GARNL3: variants seen among roughly 807,000 people sequenced by gnomAD.
GARNL3 encodes GTPase activating Rap/RanGAP domain like 3.
In GARNL3, 63 loss-of-function variants were observed where a neutral mutation model predicts 125.0. The ratio of observed to expected loss-of-function variants is 0.50; its 90% CI spans 0.41 to 0.62. The LOEUF is 0.62. GARNL3 is among the 20% of genes least tolerant of loss of function. The pLI is 0.00. For synonymous variants in GARNL3, 439 were observed against 457.5 expected (o/e 0.96, Z 0.52); for missense variants, 994 against 1,244.0 (o/e 0.80, Z 3.02).
intron 1 of GARNL3, among the ~76,000 whole-genome samples, chr9:127,277,331 A>T (rs998093152): frequency 4.0e-5 from 6 of 150,830 alleles, no homozygotes; most frequent in Non-Finnish European, 7.4e-5. Context: ...TCTTTCCTTG[A>T]GCTTCTGGCA....
intron 1 of GARNL3, among the ~76,000 whole-genome samples, chr9:127,273,532 T>A (rs2063875100): frequency 6.6e-6 from 1 of 152,230 alleles, no homozygotes. Flanking sequence ...AATTCCTAGA[T>A]CAAGCCCAAC....
chr9:127,382,774 C>T (rs1038330705), intron 22 of GARNL3, among the ~76,000 whole-genome samples: 3 of 152,116 alleles, frequency 2.0e-5, no homozygotes, highest in Non-Finnish European at 4.4e-5. Context: ...TTGAATGAAC[C>T]TTGTGTTAAT....
At chr9:127,360,508 G>C (rs994059888) in intron 21 of GARNL3, among the ~76,000 whole-genome samples, 1 of 152,144 alleles carries the variant, frequency 6.6e-6, no homozygotes, top group Admixed American at 6.5e-5. Context: ...GGTACTGTCT[G>C]TCTGGGGAGA....
At chr9:127,386,988 A>G (rs992918540) in intron 24 of GARNL3, 38 of 441,924 alleles carry the variant, frequency 8.6e-5, no homozygotes, top group South Asian at 1.5e-4. Context: ...AGTGGCGGGG[A>G]GTGGAATACT....
intron 2 of GARNL3, chr9:127,243,303 T>G (rs1164816211): frequency 7.7e-7 from 1 of 1,304,224 alleles, no homozygotes; most frequent in African/African-American, 1.5e-5. Flanking sequence ...CACTATAGCT[T>G]GAAATCCCTT....
At chr9:127,378,583 G>A (rs1477864565) in intron 22 of GARNL3, among the ~76,000 whole-genome samples, 13 of 36,302 alleles carry the variant, frequency 3.6e-4, no homozygotes, top group South Asian at 3.9e-3. Flanking sequence ...GTGAAACTCC[G>A]TCACAAAAAA....
upstream of GARNL3, chr9:127,263,920 C>T (rs2131260492): frequency 6.7e-7 from 1 of 1,487,072 alleles, no homozygotes; most frequent in Middle Eastern, 1.7e-4. Context: ...TGCTAAACAT[C>T]AGAGTCAGTC....
At chr9:127,282,328 T>G (rs577447187) in intron 1 of GARNL3, among the ~76,000 whole-genome samples, 7 of 152,366 alleles carry the variant, frequency 4.6e-5, no homozygotes, top group Non-Finnish European at 7.3e-5. Context: ...CACTATCATA[T>G]TACTACAATA....
intron 2 of GARNL3, among the ~76,000 whole-genome samples, chr9:127,305,279 A>C (rs1167431430): frequency 6.6e-6 from 1 of 152,216 alleles, no homozygotes; most frequent in Non-Finnish European, 1.5e-5. Context: ...CACTAGTACT[A>C]CACATCATCG....
intron 1 of GARNL3, among the ~76,000 whole-genome samples, chr9:127,233,685 C>G (rs2063060842): frequency 6.6e-6 from 1 of 152,108 alleles, no homozygotes; most frequent in Non-Finnish European, 1.5e-5. Flanking sequence ...TTCTACTTTC[C>G]CAAATATTGC....
At chr9:127,236,848 G>A (rs1244321462) in intron 1 of GARNL3, among the ~76,000 whole-genome samples, 1 of 152,126 alleles carries the variant, frequency 6.6e-6, no homozygotes, top group African/African-American at 2.4e-5. Flanking sequence ...GTAAAAATAT[G>A]CAGTCTCTTT....
chr9:127,335,736 C>T (rs1588880947), intron 10 of GARNL3, among the ~76,000 whole-genome samples: 1 of 152,052 alleles, frequency 6.6e-6, no homozygotes, highest in South Asian at 2.1e-4. Context: ...TCTGTGCCTT[C>T]TCTCAGTGTG....
chr9:127,226,389 G>T (rs187470467), intron 1 of GARNL3, among the ~76,000 whole-genome samples: 1 of 152,330 alleles, frequency 6.6e-6, no homozygotes, highest in East Asian at 1.9e-4. Flanking sequence ...CACCCTTGGC[G>T]CTCCAGCAGT....
intron 2 of GARNL3, among the ~76,000 whole-genome samples, chr9:127,248,689 C>A (rs564124076): frequency 1.4e-5 from 2 of 139,410 alleles, no homozygotes; most frequent in Non-Finnish European, 3.0e-5. Context: ...TTCACTGCAG[C>A]CTCCATTTCC....
At position 127,392,772 on chromosome 9, in the gene GARNL3, T is replaced by C. The variant is rs1832935704; in HGVS notation, c.2871-311T>C. Among the ~76,000 whole-genome samples, 1 of 152,262 alleles carries C rather than the reference T, an allele frequency of 6.6e-6. No homozygotes were observed. Among genetic ancestry groups the C allele is most frequent in the African/African-American group, 2.4e-5 (1 of 41,460 alleles). Reference sequence around the variant, plus strand: ...GGAACCTTGGCTATGAGTTTCAGCCTGATCCTCAGGCCCTGGGCACCCATG... The same window carrying C: ...GGAACCTTGGCTATGAGTTTCAGCCCGATCCTCAGGCCCTGGGCACCCATG... On this transcript the variant is annotated intron_variant, in intron 27 of 27. Coordinates refer to ENST00000373387, the MANE Select transcript of GARNL3 (RefSeq NM_032293.5). This position sits in a 1 kb window ranked among gnomAD's most constrained non-coding sequence, Gnocchi z 5.2.
At chr9:127,241,350 T>A (rs1193149572) in intron 1 of GARNL3, among the ~76,000 whole-genome samples, 1 of 152,174 alleles carries the variant, frequency 6.6e-6, no homozygotes, top group Non-Finnish European at 1.5e-5. Context: ...TTGTTATTTA[T>A]TTGTTGGTGT....
chr9:127,343,317 C>T (rs892832802), intron 14 of GARNL3, among the ~76,000 whole-genome samples: 4 of 152,150 alleles, frequency 2.6e-5, no homozygotes, highest in Non-Finnish European at 5.9e-5. Context: ...AATTGGTAAT[C>T]TCTCAATTCC....
chr9:127,332,417 G>A, intron 8 of GARNL3, 68 bp downstream of exon 8: 1 of 1,238,262 alleles, frequency 8.1e-7, no homozygotes, highest in Non-Finnish European at 1.2e-6. Flanking sequence ...CTTGCCAGTT[G>A]GAGCTTAACT....
chr9:127,387,951 G>A (rs1317866846), intron 25 of GARNL3, among the ~76,000 whole-genome samples: 1 of 152,012 alleles, frequency 6.6e-6, no homozygotes, highest in African/African-American at 2.4e-5. Context: ...TTCAAGACCA[G>A]CTGGGCAACA....
Sources: gnomAD v4.1 joint callset for allele counts (sites outside exome capture counted in the v4.1 genomes callset) on GRCh38, gnomAD v4.1.1 for gene constraint, Gnocchi (gnomAD v3.1) non-coding constraint, MANE v1.5 for transcripts, NCBI Gene and HGNC (gene_info 2026-07-23, HGNC 2026-07-21) for gene names.